Variants in BNC2 observed in about 807,000 individuals in gnomAD.
The protein encoded by BNC2 is zinc finger protein basonuclin-2.
Under a neutral mutation model 76.3 loss-of-function variants are expected in BNC2, and 20 were observed. The ratio of observed to expected loss-of-function variants is 0.26; its 90% CI spans 0.18 to 0.38. The LOEUF is 0.38. BNC2 is among the 10% of genes least tolerant of loss of function. The pLI, the probability that BNC2 is intolerant of heterozygous loss-of-function variation, is 1.00. For synonymous variants in BNC2, 582 were observed against 514.8 expected, an observed-to-expected ratio of 1.13 and a Z score of -1.77; for missense variants, 1,382 against 1,399.8, an observed-to-expected ratio of 0.99 and a Z score of 0.20.
chr9:16,764,969 C>T (rs931973476), intron 1 of BNC2, among the ~76,000 whole-genome samples: 3 of 152,008 alleles, frequency 2.0e-5, no homozygotes, highest in Non-Finnish European at 4.4e-5. Context: ...AGAACATCTT[C>T]TGTAAGGATA....
intron 6 of BNC2, among the ~76,000 whole-genome samples, chr9:16,435,298 G>A (rs538095990): frequency 1.0e-3 from 155 of 152,200 alleles, no homozygotes; most frequent in African/African-American, 3.3e-3. Flanking sequence ...ATACACACAC[G>A]TATACACAGA....
chr9:16,618,144 A>C (rs1820763988), intron 3 of BNC2, among the ~76,000 whole-genome samples: 1 of 152,048 alleles, frequency 6.6e-6, no homozygotes, highest in Non-Finnish European at 1.5e-5. Context: ...AACGCCAGCT[A>C]CCCTCTCAGT....
chr9:16,615,659 C>T (rs1820676467), intron 3 of BNC2, among the ~76,000 whole-genome samples: 1 of 152,036 alleles, frequency 6.6e-6, no homozygotes, highest in Non-Finnish European at 1.5e-5. Flanking sequence ...TAATTGTTTC[C>T]TCAAGTCTTC....
chr9:16,827,817 A>G (rs1433002270), intron 1 of BNC2, among the ~76,000 whole-genome samples: 1 of 152,156 alleles, frequency 6.6e-6, no homozygotes, highest in Non-Finnish European at 1.5e-5. Flanking sequence ...CAAAAAAGAA[A>G]ATGGGCCCCT....
At chr9:16,577,859 T>G (rs1318268885) in intron 4 of BNC2, among the ~76,000 whole-genome samples, 1 of 152,250 alleles carries the variant, frequency 6.6e-6, no homozygotes, top group Non-Finnish European at 1.5e-5. Context: ...CTAGTATTCA[T>G]GCAGCTTGTT....
intron 3 of BNC2, among the ~76,000 whole-genome samples, chr9:16,628,515 G>C (rs1213249273): frequency 2.0e-5 from 3 of 152,136 alleles, no homozygotes; most frequent in African/African-American, 7.2e-5. Context: ...AGATGTAAAA[G>C]TGTGCGTATT....
chr9:16,438,971 C>G (rs1443929511), intron 5 of BNC2, among the ~76,000 whole-genome samples: 3 of 152,032 alleles, frequency 2.0e-5, no homozygotes, highest in African/African-American at 7.2e-5. Context: ...TGGGAGGGAG[C>G]CGGTGGAAGT....
At chr9:16,599,620 T>C (rs1024484307) in intron 3 of BNC2, among the ~76,000 whole-genome samples, 1 of 151,968 alleles carries the variant, frequency 6.6e-6, no homozygotes, top group South Asian at 2.1e-4. Flanking sequence ...CCCATCTCTA[T>C]TAAAAATACA....
chr9:16,742,408 T>C (rs1276850338), intron 1 of BNC2, among the ~76,000 whole-genome samples: 3 of 152,322 alleles, frequency 2.0e-5, no homozygotes, highest in African/African-American at 7.2e-5. Flanking sequence ...ATTAGCAAGG[T>C]CTGCATTAGC....
At chr9:16,520,572 G>A (rs1033630166) in intron 5 of BNC2, among the ~76,000 whole-genome samples, 1 of 152,144 alleles carries the variant, frequency 6.6e-6, no homozygotes, top group Non-Finnish European at 1.5e-5. Context: ...AGCAAGAGTT[G>A]GAGAGCAAGA....
intron 1 of BNC2, among the ~76,000 whole-genome samples, chr9:16,751,921 C>T (rs1423321815): frequency 3.3e-5 from 5 of 151,640 alleles, no homozygotes; most frequent in Non-Finnish European, 7.4e-5. Context: ...CTCAGCTACT[C>T]GGGAGGCTGA....
chr9:16,629,584 G>A (rs577851025), intron 3 of BNC2, among the ~76,000 whole-genome samples: 2 of 152,180 alleles, frequency 1.3e-5, no homozygotes, highest in African/African-American at 4.8e-5. Context: ...TGGGGAAAGA[G>A]TAAAGGATGA....
At chr9:16,431,547 G>C (rs1820907989) in intron 6 of BNC2, 1 of 444,050 alleles carries the variant, frequency 2.3e-6, no homozygotes, top group Non-Finnish European at 4.8e-6. Flanking sequence ...TTCCTTAACA[G>C]AACAGCACCT....
intron 1 of BNC2, among the ~76,000 whole-genome samples, chr9:16,847,882 G>C (rs183132543): frequency 5.3e-4 from 81 of 152,314 alleles, no homozygotes; most frequent in Middle Eastern, 6.8e-3. Context: ...TATGAAGCAT[G>C]AATTCAGGAA....
intron 5 of BNC2, among the ~76,000 whole-genome samples, chr9:16,446,655 A>G (rs1414004407): frequency 2.0e-5 from 3 of 152,152 alleles, no homozygotes; most frequent in Non-Finnish European, 4.4e-5. Context: ...TTGACATTTG[A>G]TTTAAAAAAT....
intron 1 of BNC2, among the ~76,000 whole-genome samples, chr9:16,776,890 C>G (rs1180726726): frequency 6.6e-6 from 1 of 152,046 alleles, no homozygotes; most frequent in East Asian, 1.9e-4. Context: ...CTTTGGGAGT[C>G]CAAGGTGGGC....
At chr9:16,778,988 A>G (rs752532393) in intron 1 of BNC2, among the ~76,000 whole-genome samples, 8 of 152,016 alleles carry the variant, frequency 5.3e-5, no homozygotes, top group Non-Finnish European at 7.4e-5. Context: ...ATGTTCAAAC[A>G]AAAGATGTTA....
At chr9:16,721,569 A>G (rs1824158386) in intron 3 of BNC2, among the ~76,000 whole-genome samples, 2 of 152,134 alleles carry the variant, frequency 1.3e-5, no homozygotes, top group African/African-American at 4.8e-5. Flanking sequence ...CAGCACCATA[A>G]ACAGACCACA....
chr9:16,689,480 G>T (rs527266563), intron 3 of BNC2, among the ~76,000 whole-genome samples: 6 of 152,108 alleles, frequency 3.9e-5, no homozygotes, highest in Non-Finnish European at 7.4e-5. Flanking sequence ...CACTATGAAA[G>T]TCACAGCCTA....
Sources: gnomAD v4.1 joint callset for allele counts (sites outside exome capture counted in the v4.1 genomes callset) on GRCh38, gnomAD v4.1.1 for gene constraint, MANE v1.5 for transcripts, NCBI Gene and HGNC (gene_info 2026-07-23, HGNC 2026-07-21) for gene names.